Variants in ACBD6 observed in about 807,000 individuals in gnomAD.
The protein encoded by ACBD6 is acyl-CoA-binding domain-containing protein 6.
A neutral mutation model predicts 37.2 loss-of-function variants in ACBD6; 28 were observed. The observed-to-expected ratio is 0.75, with a 90% CI of 0.56 to 1.03. ACBD6 has a LOEUF of 1.03. Ranked by LOEUF, ACBD6 falls within the 50% of genes least tolerant of loss-of-function variation. The probability of loss-of-function intolerance (pLI) is 0.00; values close to 1 mark genes in which losing one functional copy is unlikely to be tolerated. For missense variants in ACBD6, 340 were observed against 337.4 expected, an observed-to-expected ratio of 1.01 and a Z score of -0.06; for synonymous variants, 113 against 126.8, an observed-to-expected ratio of 0.89 and a Z score of 0.73.
chr1:180,419,236 G>A (rs531424099), intron 4 of ACBD6, among the ~76,000 whole-genome samples: 11 of 152,138 alleles, frequency 7.2e-5, no homozygotes, highest in Non-Finnish European at 1.5e-4. Context: ...GGGTGACAGA[G>A]CGAGACTCCG....
intron 3 of ACBD6, among the ~76,000 whole-genome samples, chr1:180,440,672 C>A (rs1412484427): frequency 6.7e-6 from 1 of 148,622 alleles, no homozygotes; most frequent in Admixed American, 6.8e-5. Flanking sequence ...CTCCCCCAAA[C>A]CTTTAGCCTT....
intron 6 of ACBD6, among the ~76,000 whole-genome samples, chr1:180,356,464 A>C (rs1245112903): frequency 6.6e-6 from 1 of 151,964 alleles, no homozygotes. Flanking sequence ...GAACCACTGC[A>C]CCCGGCCTAT....
chr1:180,496,413 C>G (rs1557895223), intron 1 of ACBD6, among the ~76,000 whole-genome samples: 1 of 152,184 alleles, frequency 6.6e-6, no homozygotes, highest in Non-Finnish European at 1.5e-5. Context: ...GTTCTTAACT[C>G]ATCCACAGAA....
At chr1:180,338,714 A>T (rs560299181) in intron 6 of ACBD6, among the ~76,000 whole-genome samples, 7 of 152,368 alleles carry the variant, frequency 4.6e-5, no homozygotes, top group Admixed American at 2.6e-4. Context: ...TCTGCACAGC[A>T]AAAGAAACTA....
chr1:180,467,475 AAAAC>A (rs1206801520), intron 3 of ACBD6, among the ~76,000 whole-genome samples: 10 of 149,984 alleles, frequency 6.7e-5, no homozygotes, highest in Non-Finnish European at 1.2e-4. Flanking sequence ...AAAAAAAACA[AAAAC>A]AAACAAACAA....
intron 3 of ACBD6, 54 bp from the exon 4 acceptor site, chr1:180,430,316 GT>G: frequency 3.6e-6 from 5 of 1,378,226 alleles, no homozygotes; most frequent in Non-Finnish European, 5.2e-6. Context: ...AAAACAATAG[GT>G]ATTTAAATCA....
chr1:180,404,496 C>T (rs184222466), intron 5 of ACBD6, among the ~76,000 whole-genome samples: 53 of 152,138 alleles, frequency 3.5e-4, no homozygotes, highest in Admixed American at 2.9e-3. Context: ...CTCACTTTGT[C>T]GCCCAGGCTG....
intron 7 of ACBD6, among the ~76,000 whole-genome samples, chr1:180,300,160 T>A (rs1260757976): frequency 6.6e-6 from 1 of 152,138 alleles, no homozygotes; most frequent in Admixed American, 6.6e-5. Flanking sequence ...TAAAAAATAA[T>A]AACTAAATCC....
chr1:180,486,309 A>C (rs1651260457), intron 3 of ACBD6, among the ~76,000 whole-genome samples: 1 of 152,218 alleles, frequency 6.6e-6, no homozygotes, highest in Non-Finnish European at 1.5e-5. Context: ...GACACAAAAA[A>C]ATCAATGTGA....
intron 7 of ACBD6, among the ~76,000 whole-genome samples, chr1:180,303,321 G>A (rs1056961446): frequency 1.7e-5 from 2 of 115,758 alleles, no homozygotes; most frequent in Non-Finnish European, 3.8e-5. Flanking sequence ...CCAGGAGCTG[G>A]TTTTTTGAAA....
At chr1:180,310,602 C>T (rs1273407087) in intron 7 of ACBD6, among the ~76,000 whole-genome samples, 1 of 152,162 alleles carries the variant, frequency 6.6e-6, no homozygotes, top group African/African-American at 2.4e-5. Context: ...TTGTTGACTA[C>T]TACAAATATG....
Position 180,502,555 on chromosome 1 carries a change from CG to C in ACBD6, c.-290del, listed in dbSNP as rs1342803882. The C allele has an allele frequency of 1.1e-5, 5 of 462,542 alleles. No individual in the cohort carries two copies. The highest frequency in any genetic ancestry group is 7.9e-5 in the African/African-American group (4 of 50,556). 28.7% of individuals were successfully genotyped at this position (462,542 alleles called of 1,614,324 possible). ...TCAGGCTCGCCTCAGGCCCCTCCAA[CG>C]GAACAGGAGTCGAGGGGCAGTGAGG... is the stretch of plus-strand genomic sequence containing the variant. On this transcript the variant is annotated 5_prime_UTR_variant, in exon 1 of 8. Transcript: ENST00000367595.
At chr1:180,433,574 C>A (rs914053441) in intron 3 of ACBD6, among the ~76,000 whole-genome samples, 20 of 149,720 alleles carry the variant, frequency 1.3e-4, no homozygotes, top group African/African-American at 4.7e-4. Context: ...TGGTGTTATG[C>A]TGTGTGTGTG....
At chr1:180,294,004 C>G (rs1198749237) in intron 7 of ACBD6, among the ~76,000 whole-genome samples, 2 of 152,076 alleles carry the variant, frequency 1.3e-5, no homozygotes, top group Non-Finnish European at 2.9e-5. Context: ...AAGTGATTCT[C>G]CTGCTTCAGG....
intron 6 of ACBD6, among the ~76,000 whole-genome samples, chr1:180,320,092 T>G (rs552332305): frequency 6.6e-6 from 1 of 152,222 alleles, no homozygotes; most frequent in South Asian, 2.1e-4. Context: ...CGGTTCTCCA[T>G]AGTGGCTGTA....
At chr1:180,307,868 T>A (rs895503260) in intron 7 of ACBD6, among the ~76,000 whole-genome samples, 6 of 152,172 alleles carry the variant, frequency 3.9e-5, no homozygotes, top group Non-Finnish European at 8.8e-5. Flanking sequence ...GGCAGGAGAC[T>A]CGCTTGAACC....
chr1:180,344,854 T>C (rs535691886), intron 6 of ACBD6, among the ~76,000 whole-genome samples: 1 of 152,278 alleles, frequency 6.6e-6, no homozygotes, highest in South Asian at 2.1e-4. Context: ...AGAAATGCAG[T>C]TAAAATTTTT....
intron 6 of ACBD6, among the ~76,000 whole-genome samples, chr1:180,332,797 A>G (rs1651536431): frequency 2.0e-5 from 3 of 152,140 alleles, no homozygotes. Context: ...CCATGGTAAA[A>G]TTGTCTTCCA....
At chr1:180,415,470 A>C (rs764612525) in intron 4 of ACBD6, among the ~76,000 whole-genome samples, 11 of 152,144 alleles carry the variant, frequency 7.2e-5, no homozygotes, top group Non-Finnish European at 1.2e-4. Flanking sequence ...TTCCAACTTA[A>C]GGATAATAGG....
Sources: allele counts gnomAD v4.1 joint callset (sites outside exome capture counted in the v4.1 genomes callset), GRCh38; gene constraint gnomAD v4.1.1; transcripts MANE v1.5; gene names NCBI Gene and HGNC (gene_info 2026-07-23, HGNC 2026-07-21).